The following PDZRN3 variants were observed in gnomAD, a reference collection of about 807,000 sequenced individuals.
The protein encoded by PDZRN3 is PDZ domain containing ring finger 3, also known as E3 ubiquitin-protein ligase PDZRN3.
A neutral mutation model predicts 85.7 loss-of-function variants in PDZRN3; 38 were observed. The ratio of observed to expected loss-of-function variants is 0.44; its 90% confidence interval spans 0.34 to 0.58. The LOEUF (loss-of-function observed/expected upper bound fraction) is 0.58. Among genes scored for constraint, PDZRN3 ranks in the 20% least tolerant of loss-of-function variants. The pLI is 0.01. For missense variants in PDZRN3, 1,629 were observed against 1,506.4 expected (o/e 1.08, Z -1.35); for synonymous variants, 759 against 638.0 (o/e 1.19, Z -2.86).
chr3:73,499,151 C>T (rs1703926588), intron 3 of PDZRN3, among the ~76,000 whole-genome samples: 1 of 152,156 alleles, frequency 6.6e-6, no homozygotes, highest in Admixed American at 6.5e-5. Context: ...GATCCCTTAC[C>T]ACCTGCCAAC....
chr3:73,584,481 GTGTGTGTGTGTGTGTGTGTA>G lies in PDZRN3; in HGVS notation c.918+17853_918+17872del, dbSNP rs762164685. ...TGTGTGTGTGTGTGTGTGTGTGTGT[GTGTGTGTGTGTGTGTGTGTA>G]TGCATATGCGTTGTGGATAAGAAAA... On this transcript the variant is annotated intron_variant, in intron 3 of 9. Transcript: ENST00000263666. Among the ~76,000 whole-genome samples, 699 of 110,902 alleles carry G rather than the reference GTGTGTGTGTGTGTGTGTGTA, an allele frequency of 6.3e-3. 6 individuals are homozygous for G. Among genetic ancestry groups the G allele is most frequent in the East Asian group, 0.047 (174 of 3,714 alleles). 72.8% of individuals were successfully genotyped at this position (110,902 alleles called of 152,430 possible).
chr3:73,471,908 A>T (rs1488373217), intron 3 of PDZRN3, among the ~76,000 whole-genome samples: 1 of 152,256 alleles, frequency 6.6e-6, no homozygotes, highest in Non-Finnish European at 1.5e-5. Flanking sequence ...TTTAGTAATC[A>T]CTGAAACACA....
At chr3:73,455,981 C>T (rs546525848) in intron 3 of PDZRN3, among the ~76,000 whole-genome samples, 1 of 152,234 alleles carries the variant, frequency 6.6e-6, no homozygotes, top group Admixed American at 6.5e-5. Flanking sequence ...GAGCACAAAC[C>T]CTGCATAAAT....
chr3:73,547,686 G>A (rs867456881), intron 3 of PDZRN3, among the ~76,000 whole-genome samples: 5 of 152,346 alleles, frequency 3.3e-5, no homozygotes, highest in Non-Finnish European at 5.9e-5. Flanking sequence ...GTCACGTGGG[G>A]TGTAAGTGGG....
intron 1 of PDZRN3, among the ~76,000 whole-genome samples, chr3:73,622,856 C>T (rs1296805882): frequency 3.9e-5 from 6 of 152,162 alleles, no homozygotes. Flanking sequence ...ACTTAATAAA[C>T]ACTCAATAAA....
At chr3:73,606,970 T>A (rs1702609663) in intron 2 of PDZRN3, among the ~76,000 whole-genome samples, 1 of 152,048 alleles carries the variant, frequency 6.6e-6, no homozygotes, top group African/African-American at 2.4e-5. Flanking sequence ...CCCTTTGGGG[T>A]CAAGCCCTTG....
chr3:73,539,679 C>T (rs1226065904), intron 3 of PDZRN3, among the ~76,000 whole-genome samples: 1 of 152,098 alleles, frequency 6.6e-6, no homozygotes, highest in Non-Finnish European at 1.5e-5. Context: ...ACGAGCAAGT[C>T]CGCATGAGAC....
chr3:73,408,187 G>A lies in PDZRN3; in HGVS notation c.919-3792C>T, dbSNP rs1038610970. Reference sequence around the variant, plus strand: ...TGGAGTGTGCAGGGACAGCAATTGTGGGATGAAGCCAGCGTTGGAATCCTG... The same window carrying A: ...TGGAGTGTGCAGGGACAGCAATTGTAGGATGAAGCCAGCGTTGGAATCCTG... On this transcript the variant is annotated intron_variant, in intron 3 of 9. Transcript: ENST00000263666. 5 of 703,282 alleles carry A rather than the reference G, an allele frequency of 7.1e-6. No homozygotes were observed. The East Asian group carries it at 1.3e-4, about 19-fold the overall frequency. The allele number at this position is 703,282 out of a possible 1,614,324, so 43.6% of individuals were successfully genotyped here.
rs201031411 is a variant in PDZRN3, at chr3:73,498,461, C to CGAGTACTTTT, written c.919-94076_919-94067dup. Among the ~76,000 whole-genome samples the CGAGTACTTTT allele has an allele frequency of 6.7e-3, 1,015 of 152,214 alleles. 13 individuals carry two copies. Among genetic ancestry groups the CGAGTACTTTT allele is most frequent in the African/African-American group, 0.023 (949 of 41,548 alleles). Reference sequence around the variant, plus strand: ...ACCACCTAGGCATTTGAAAAATGGTCGAGTACTTTTTCCCTAACTGCAACA... The same window carrying CGAGTACTTTT: ...ACCACCTAGGCATTTGAAAAATGGTCGAGTACTTTTGAGTACTTTTTCCCTAACTGCAACA... On this transcript the variant is annotated intron_variant, in intron 3 of 9. Coordinates refer to ENST00000263666, the MANE Select transcript of PDZRN3 (RefSeq NM_015009.3).
intron 3 of PDZRN3, among the ~76,000 whole-genome samples, chr3:73,537,975 C>T (rs62247762): frequency 0.014 from 2,151 of 152,124 alleles, 22 homozygotes; most frequent in Non-Finnish European, 0.022. Flanking sequence ...TTCCAGGTAT[C>T]ATAGTCAATA....
rs538959667 is a variant in PDZRN3, at chr3:73,542,354, G to A, written c.918+60000C>T. On this transcript the variant is annotated intron_variant, in intron 3 of 9. Coordinates refer to ENST00000263666, the MANE Select transcript of PDZRN3 (RefSeq NM_015009.3). ...AACGGCCCCACAATCACACTGCCTG[G>A]GCATCAATCCCAGGCCAACAACATT... Among the ~76,000 whole-genome samples, 21 of 152,216 alleles carry A rather than the reference G, an allele frequency of 1.4e-4. No homozygotes were observed. In the East Asian group the frequency reaches 1.9e-3, roughly 14 times the overall value.
intron 3 of PDZRN3, among the ~76,000 whole-genome samples, chr3:73,595,159 G>A (rs918212872): frequency 2.7e-4 from 41 of 152,286 alleles, no homozygotes; most frequent in African/African-American, 8.9e-4. Flanking sequence ...CTTTGGAAAC[G>A]GAGAGTTGGA....
chr3:73,620,191 AGTGAGCTG>A (rs1702832949), intron 1 of PDZRN3, among the ~76,000 whole-genome samples: 1 of 152,214 alleles, frequency 6.6e-6, no homozygotes, highest in South Asian at 2.1e-4. Context: ...TGGTCATTTG[AGTGAGCTG>A]GAGAGCTGTG....
chr3:73,511,810 G>C (rs1275393253), intron 3 of PDZRN3, among the ~76,000 whole-genome samples: 4 of 152,196 alleles, frequency 2.6e-5, no homozygotes. Flanking sequence ...TGGAAGTAGG[G>C]CCTTTCAGGC....
At chr3:73,446,261 CAGG>C (rs143283459) in intron 3 of PDZRN3, among the ~76,000 whole-genome samples, 3,257 of 152,206 alleles carry the variant, frequency 0.021, 106 homozygotes, top group African/African-American at 0.074. Flanking sequence ...CATTTTATTT[CAGG>C]AAAAGGAATA....
At chr3:73,490,345 G>A (rs1703747233) in intron 3 of PDZRN3, among the ~76,000 whole-genome samples, 1 of 152,174 alleles carries the variant, frequency 6.6e-6, no homozygotes, top group Non-Finnish European at 1.5e-5. Flanking sequence ...CGCCCACTAC[G>A]AAGAGAAATC....
At chr3:73,468,816 C>A (rs367778409) in intron 3 of PDZRN3, among the ~76,000 whole-genome samples, 54 of 152,236 alleles carry the variant, frequency 3.5e-4, no homozygotes, top group Admixed American at 1.3e-3. Flanking sequence ...CTGCCACTTA[C>A]CAGCTGAATA....
chr3:73,534,328 G>A (rs1158006186), intron 3 of PDZRN3, among the ~76,000 whole-genome samples: 1 of 152,208 alleles, frequency 6.6e-6, no homozygotes, highest in Non-Finnish European at 1.5e-5. Flanking sequence ...CTGAAGCTAC[G>A]CTAATTCCAT....
At chr3:73,473,743 T>A (rs963861199) in intron 3 of PDZRN3, among the ~76,000 whole-genome samples, 1 of 152,042 alleles carries the variant, frequency 6.6e-6, no homozygotes, top group Non-Finnish European at 1.5e-5. Context: ...ACCCACGTGG[T>A]GAGGAACTGA....
Sources: gnomAD v4.1 joint callset for allele counts (sites outside exome capture counted in the v4.1 genomes callset) on GRCh38, gnomAD v4.1.1 for gene constraint, MANE v1.5 for transcripts, NCBI Gene and HGNC (gene_info 2026-07-23, HGNC 2026-07-21) for gene names.